The following EYA3 variants were observed in gnomAD, a reference collection of about 807,000 sequenced individuals.
EYA3 encodes EYA transcriptional coactivator and phosphatase 3.
A neutral mutation model predicts 80.0 loss-of-function variants in EYA3; 39 were observed. The ratio of observed to expected loss-of-function variants is 0.49; its 90% confidence interval spans 0.38 to 0.64. The LOEUF is 0.64. EYA3 is among the 30% of genes least tolerant of loss of function. The probability of loss-of-function intolerance (pLI) is 0.00; values close to 1 mark genes in which losing one functional copy is unlikely to be tolerated. For missense variants in EYA3, 523 were observed against 676.1 expected, an observed-to-expected ratio of 0.77 and a Z score of 2.51; for synonymous variants, 206 against 232.8, an observed-to-expected ratio of 0.88 and a Z score of 1.05.
chr1:27,977,426 C>T, intron 17 of EYA3: 6 of 1,539,020 alleles, frequency 3.9e-6, no homozygotes, highest in Non-Finnish European at 5.3e-6. Context: ...AGGGAAAGAA[C>T]TTCTACAGAT....
chr1:28,087,122 C>A (rs1645684113), intron 1 of EYA3, among the ~76,000 whole-genome samples: 1 of 152,118 alleles, frequency 6.6e-6, no homozygotes, highest in East Asian at 1.9e-4. Context: ...ACAAAAACCG[C>A]TGCAATCAAG....
chr1:28,035,418 T>C, intron 6 of EYA3, 126 bp downstream of exon 6: 1 of 948,356 alleles, frequency 1.1e-6, no homozygotes. Context: ...AAACATACTG[T>C]TGCAAAGTTG....
chr1:28,024,285 A>AT (rs1189830899), intron 7 of EYA3, among the ~76,000 whole-genome samples: 2 of 151,388 alleles, frequency 1.3e-5, no homozygotes, highest in Non-Finnish European at 2.9e-5. Context: ...ATTAATAAAA[A>AT]TTTTTTTAAA....
intron 3 of EYA3, among the ~76,000 whole-genome samples, chr1:28,045,183 TG>T (rs1643955695): frequency 6.6e-6 from 1 of 152,226 alleles, no homozygotes; most frequent in African/African-American, 2.4e-5. Context: ...TTTATATTTT[TG>T]TAATAGAACT....
rs572712675 is a variant in EYA3, at chr1:28,020,935, GAC to G, written c.500-3698_500-3697del. Among the ~76,000 whole-genome samples the G allele has an allele frequency of 2.6e-4, 40 of 152,204 alleles. No homozygotes were observed. In the South Asian group the frequency reaches 7.9e-3, roughly 30 times the overall value. On this transcript the variant is annotated intron_variant, in intron 7 of 17. Coordinates refer to ENST00000373871, the MANE Select transcript of EYA3 (RefSeq NM_001990.4). The stretch of plus-strand genomic sequence containing the variant: ...ACAATGGAGCTGCAAAAACTTGAAA[GAC>G]ACCACTTTTGAGAACCAGGCCCCAC...
intron 7 of EYA3, among the ~76,000 whole-genome samples, chr1:28,020,839 T>C (rs1349214481): frequency 2.6e-5 from 4 of 152,174 alleles, no homozygotes; most frequent in Non-Finnish European, 5.9e-5. Flanking sequence ...ATTATGTATC[T>C]AAAGGCTGCT....
At chr1:27,976,396 G>A (rs1638929952) in intron 17 of EYA3, among the ~76,000 whole-genome samples, 1 of 152,044 alleles carries the variant, frequency 6.6e-6, no homozygotes, top group Non-Finnish European at 1.5e-5. Flanking sequence ...GGAGGCGGAG[G>A]CTGCAGTGAG....
chr1:28,053,598 T>C (rs11583358), intron 2 of EYA3, among the ~76,000 whole-genome samples: 39,434 of 152,082 alleles, frequency 0.26, 5,163 homozygotes, highest in Non-Finnish European at 0.28. Context: ...ACCTACTTCA[T>C]AGGGCTCATG....
In EYA3 at chr1:27,986,398, CA is replaced by C. The variant is rs1468477845; in HGVS notation, c.1540+2136del. On this transcript the variant is annotated intron_variant, in intron 16 of 17. Coordinates refer to ENST00000373871, the MANE Select transcript of EYA3 (RefSeq NM_001990.4). Reference sequence around the variant, plus strand: ...AGTAGCATAAAATTTACTCTCTTAACATTTTTTTTTTTTTTTTTGAGGCAGA... The same window carrying C: ...AGTAGCATAAAATTTACTCTCTTAACTTTTTTTTTTTTTTTTTGAGGCAGA... 7.2e-3 allele frequency among the ~76,000 whole-genome samples: 1,012 copies of C among 141,380 alleles called. 7 individuals carry two copies. Among genetic ancestry groups the C allele is most frequent in the Middle Eastern group, 0.037 (10 of 272 alleles). The allele number at this position is 141,380 out of a possible 152,430, so 92.8% of individuals were successfully genotyped here.
At chr1:28,070,444 T>A (rs1571950290) in intron 1 of EYA3, among the ~76,000 whole-genome samples, 1 of 151,812 alleles carries the variant, frequency 6.6e-6, no homozygotes, top group Admixed American at 6.6e-5. Flanking sequence ...CACCTGTAAT[T>A]CCAGCTACTC....
chr1:27,986,984 G>A (rs1396955079), intron 16 of EYA3, among the ~76,000 whole-genome samples: 2 of 152,304 alleles, frequency 1.3e-5, no homozygotes, highest in East Asian at 3.9e-4. Flanking sequence ...TTACAGGTGT[G>A]AGCCACTGTA....
intron 1 of EYA3, among the ~76,000 whole-genome samples, chr1:28,069,891 C>T (rs1644963727): frequency 6.6e-6 from 1 of 152,146 alleles, no homozygotes; most frequent in Non-Finnish European, 1.5e-5. Context: ...ATTTAACACA[C>T]ATACAGAGAA....
At chr1:28,001,552 T>A (rs35300661) in intron 11 of EYA3, among the ~76,000 whole-genome samples, 116 of 150,202 alleles carry the variant, frequency 7.7e-4, no homozygotes, top group Non-Finnish European at 1.1e-3. Context: ...ATCAAGACCA[T>A]CCTGGCTAAC....
At chr1:27,989,670 T>G in intron 15 of EYA3, 27 bp downstream of exon 15, 438 of 1,430,558 alleles carry the variant, frequency 3.1e-4, no homozygotes, top group Non-Finnish European at 4.0e-4. Context: ...GCTGAGAGGA[T>G]GAGACCTAAA....
In EYA3 at chr1:27,993,554, G is replaced by A. The variant is rs572564505; in HGVS notation, c.1149C>T (p.Tyr383=). The A allele has an allele frequency of 1.5e-5, 23 of 1,581,328 alleles. No homozygotes were observed. The highest frequency in any genetic ancestry group is 1.1e-4 in the South Asian group (9 of 85,028). ...CACTGAAACCATCTGTTGAGAAACT[G>A]TAGTTGCTGCAAGGAGAGAAGATAA... ...SDDNGQDLSN[Y]SFSTDGFSGS... Residue 383 remains tyrosine, a synonymous_variant, in exon 14 of 18, where the codon TAC becomes TAT. Coordinates refer to ENST00000373871, the MANE Select transcript of EYA3 (RefSeq NM_001990.4).
intron 3 of EYA3, among the ~76,000 whole-genome samples, chr1:28,043,128 C>T (rs138424804): frequency 1.3e-5 from 2 of 152,170 alleles, no homozygotes; most frequent in African/African-American, 4.8e-5. Context: ...CAGGTGTGAG[C>T]CACCACGCCC....
At chr1:28,039,449 T>C (rs1258089934) in intron 4 of EYA3, among the ~76,000 whole-genome samples, 2 of 152,158 alleles carry the variant, frequency 1.3e-5, no homozygotes, top group East Asian at 1.9e-4. Flanking sequence ...TTCTGTTTTG[T>C]AGTGAAGGCT....
intron 1 of EYA3, among the ~76,000 whole-genome samples, chr1:28,085,468 C>G (rs538085798): frequency 6.6e-6 from 1 of 151,856 alleles, no homozygotes; most frequent in East Asian, 1.9e-4. Context: ...CTCAAAAAAA[C>G]AAACAAACAA....
chr1:28,029,306 C>T (rs372821504), intron 6 of EYA3, among the ~76,000 whole-genome samples: 5 of 152,082 alleles, frequency 3.3e-5, no homozygotes, highest in South Asian at 2.1e-4. Flanking sequence ...ACAGAGATAC[C>T]GCAGAGGCTA....
Sources: allele counts gnomAD v4.1 joint callset (sites outside exome capture counted in the v4.1 genomes callset), GRCh38; gene constraint gnomAD v4.1.1; transcripts MANE v1.5; gene names NCBI Gene and HGNC (gene_info 2026-07-23, HGNC 2026-07-21).